The following DAB1 variants were observed in gnomAD, a reference collection of about 807,000 sequenced individuals.
DAB1 encodes the protein disabled homolog 1.
Under a neutral mutation model 64.6 loss-of-function variants are expected in DAB1, and 15 were observed. That is an observed-to-expected ratio of 0.23 (90% CI 0.16 to 0.36). DAB1 has a LOEUF of 0.36. DAB1 is among the 10% of genes least tolerant of loss of function. DAB1 has a pLI of 1.00. For synonymous variants in DAB1, 235 were observed against 251.9 expected, an observed-to-expected ratio of 0.93 and a Z score of 0.64; for missense variants, 596 against 706.7, an observed-to-expected ratio of 0.84 and a Z score of 1.78.
chr1:58,390,323 G>T (rs1644465976), intron 3 of DAB1, among the ~76,000 whole-genome samples: 1 of 152,032 alleles, frequency 6.6e-6, no homozygotes. Context: ...TTATTACCAG[G>T]ATCATGTCCA....
chr1:58,146,348 C>T (rs1654592599), intron 5 of DAB1, among the ~76,000 whole-genome samples: 2 of 152,020 alleles, frequency 1.3e-5, no homozygotes, highest in East Asian at 3.9e-4. Flanking sequence ...TGTGTGTGTG[C>T]ATGTATGTGT....
Position 57,508,017 on chromosome 1 carries a change from C to A in DAB1, n.625+141575G>T, listed in dbSNP as rs116169164. ...TGGAATAAGTAGGTATGGACTGTGG[C>A]CCATGACTATGTGTTTTTAACCAGC... On this transcript the variant is annotated intron_variant and non_coding_transcript_variant, in intron 7 of 20. Transcript: ENST00000485760. Among the ~76,000 whole-genome samples the A allele has an allele frequency of 7.2e-3, 1,103 of 152,296 alleles. 9 individuals are homozygous for A. The highest frequency in any genetic ancestry group is 0.04 in the South Asian group (191 of 4,832).
chr1:57,046,787 C>G (rs186863956), intron 9 of DAB1, among the ~76,000 whole-genome samples: 1 of 152,320 alleles, frequency 6.6e-6, no homozygotes, highest in African/African-American at 2.4e-5. Flanking sequence ...CATCAGGGAA[C>G]CTGCATCTTG....
At chr1:57,781,124 CTCTATATATATATATATATATATA>C (rs1205813488) in intron 6 of DAB1, among the ~76,000 whole-genome samples, 86 of 38,890 alleles carry the variant, frequency 2.2e-3, no homozygotes, top group African/African-American at 7.4e-3. Flanking sequence ...CTCTCTCTCT[CTCTATATATATATATATATATATA>C]TATATATATA....
At chr1:57,570,238 C>A (rs1213922989) in intron 7 of DAB1, among the ~76,000 whole-genome samples, 2 of 152,104 alleles carry the variant, frequency 1.3e-5, no homozygotes, top group Admixed American at 6.5e-5. Context: ...AGCTTCCCAG[C>A]CTACAATTTT....
chr1:58,386,085 G>A (rs1288676869), intron 3 of DAB1, among the ~76,000 whole-genome samples: 1 of 152,116 alleles, frequency 6.6e-6, no homozygotes, highest in East Asian at 1.9e-4. Flanking sequence ...AAGGAAAGGA[G>A]GAAGAAAGGA....
chr1:58,410,212 G>A (rs1308233175), intron 3 of DAB1, among the ~76,000 whole-genome samples: 2 of 152,196 alleles, frequency 1.3e-5, no homozygotes, highest in African/African-American at 2.4e-5. Context: ...GATGCCATGC[G>A]GCTTTATGAA....
At chr1:57,401,748 A>T (rs1043468529) in intron 1 of DAB1, among the ~76,000 whole-genome samples, 1 of 152,202 alleles carries the variant, frequency 6.6e-6, no homozygotes, top group African/African-American at 2.4e-5. Flanking sequence ...ACCTGAGATT[A>T]GAACCCATAC....
intron 9 of DAB1, among the ~76,000 whole-genome samples, chr1:57,047,431 T>G (rs1279685540): frequency 6.6e-6 from 1 of 151,918 alleles, no homozygotes; most frequent in African/African-American, 2.4e-5. Flanking sequence ...AGGTAAAGGG[T>G]GGTATCCTCA....
chr1:57,134,572 A>G (rs1004548988), intron 4 of DAB1, among the ~76,000 whole-genome samples: 2 of 152,098 alleles, frequency 1.3e-5, no homozygotes, highest in Non-Finnish European at 2.9e-5. Flanking sequence ...ATTGGGTACT[A>G]GGCTTAGTAC....
At chr1:57,299,223 T>C (rs1170709194) in intron 1 of DAB1, among the ~76,000 whole-genome samples, 2 of 152,210 alleles carry the variant, frequency 1.3e-5, no homozygotes, top group Non-Finnish European at 2.9e-5. Flanking sequence ...TGGTCTAACT[T>C]TTCTAAGGTA....
chr1:57,442,343 T>C (rs778837348), intron 7 of DAB1, among the ~76,000 whole-genome samples: 6 of 152,220 alleles, frequency 3.9e-5, no homozygotes, highest in Non-Finnish European at 5.9e-5. Flanking sequence ...TTTCTCTCTT[T>C]GATTCAATCA....
chr1:57,839,790 C>A (rs1329985050), intron 1 of DAB1, among the ~76,000 whole-genome samples: 2 of 152,216 alleles, frequency 1.3e-5, no homozygotes, highest in African/African-American at 4.8e-5. Context: ...GCTAGCCCTG[C>A]CTCTGCCCTG....
chr1:57,076,285 A>G (rs2100611090), intron 4 of DAB1, among the ~76,000 whole-genome samples: 1 of 152,320 alleles, frequency 6.6e-6, no homozygotes, highest in African/African-American at 2.4e-5. Context: ...AAGGAAAGGC[A>G]GATGCTGGTT....
intron 2 of DAB1, among the ~76,000 whole-genome samples, chr1:58,521,731 T>C (rs776450128): frequency 3.9e-5 from 6 of 152,260 alleles, no homozygotes; most frequent in Admixed American, 2.0e-4. Flanking sequence ...AAAATCTGAA[T>C]AGTTCTATAT....
chr1:57,145,163 G>A, intron 3 of DAB1, 127 bp downstream of exon 3: 1 of 898,010 alleles, frequency 1.1e-6, no homozygotes, highest in Admixed American at 2.6e-5. Flanking sequence ...AAAATATGGT[G>A]ATTCAACAGT....
intron 4 of DAB1, among the ~76,000 whole-genome samples, chr1:58,334,499 C>T (rs1354426862): frequency 6.6e-6 from 1 of 151,480 alleles, no homozygotes; most frequent in African/African-American, 2.4e-5. Flanking sequence ...AATCAACTGC[C>T]ACATAGAGCT....
At chr1:57,475,598 C>A (rs896763517) in intron 7 of DAB1, among the ~76,000 whole-genome samples, 1 of 152,220 alleles carries the variant, frequency 6.6e-6, no homozygotes, top group African/African-American at 2.4e-5. Flanking sequence ...GTGCTTTAAG[C>A]ACATTATCCT....
intron 3 of DAB1, among the ~76,000 whole-genome samples, chr1:58,380,138 G>A (rs575239666): frequency 6.6e-6 from 1 of 152,246 alleles, no homozygotes; most frequent in South Asian, 2.1e-4. Flanking sequence ...CTCCTGATAT[G>A]GTTTGGCTCT....
Sources: gnomAD v4.1 joint callset for allele counts (sites outside exome capture counted in the v4.1 genomes callset) on GRCh38, gnomAD v4.1.1 for gene constraint, MANE v1.5 for transcripts, NCBI Gene and HGNC (gene_info 2026-07-23, HGNC 2026-07-21) for gene names.